The following CES5A variants were observed in gnomAD, a reference collection of about 807,000 sequenced individuals.
CES5A encodes the protein carboxylesterase 5A.
CES5A carries 67 observed loss-of-function variants against 62.9 expected under a neutral mutation model. The observed-to-expected ratio is 1.07, with a 90% CI of 0.88 to 1.31. CES5A has a LOEUF of 1.31. Ranked by LOEUF, CES5A falls within the 50% of genes most tolerant of loss-of-function variation. The pLI is 0.00. For synonymous variants in CES5A, 296 were observed against 280.8 expected, an observed-to-expected ratio of 1.05 and a Z score of -0.54; for missense variants, 748 against 708.5, an observed-to-expected ratio of 1.06 and a Z score of -0.63.
intron 1 of CES5A, among the ~76,000 whole-genome samples, chr16:55,901,914 C>T (rs770642052): frequency 8.5e-5 from 13 of 152,136 alleles, no homozygotes; most frequent in African/African-American, 2.7e-4. Flanking sequence ...TCTGTTAGCA[C>T]GTGGTTTAGC....
chr16:55,937,482 T>C (rs1280080831), intron 2 of CES5A, among the ~76,000 whole-genome samples: 9 of 152,086 alleles, frequency 5.9e-5, no homozygotes, highest in African/African-American at 1.7e-4. Flanking sequence ...GGCATGCTTC[T>C]GGTTGCGTTC....
intron 1 of CES5A, 48 bp from the exon 2 acceptor site, chr16:55,874,085 G>A (rs1448140756): frequency 2.0e-6 from 3 of 1,517,718 alleles, no homozygotes; most frequent in African/African-American, 1.4e-5. Context: ...GGACAGGCAG[G>A]GCAATGGCCC....
intron 1 of CES5A, among the ~76,000 whole-genome samples, chr16:55,888,586 G>A (rs746583869): frequency 3.5e-4 from 53 of 152,162 alleles, no homozygotes; most frequent in Non-Finnish European, 2.9e-4. Context: ...TCCTGGGATT[G>A]TCTGCTAAAT....
At chr16:55,898,169 T>C (rs1182391547) in intron 1 of CES5A, among the ~76,000 whole-genome samples, 1 of 152,156 alleles carries the variant, frequency 6.6e-6, no homozygotes, top group African/African-American at 2.4e-5. Flanking sequence ...GCACTAAGGA[T>C]TTGTGTGCTT....
At chr16:55,852,853 T>C (rs2033159355) in intron 10 of CES5A, 28 bp downstream of exon 10, 2 of 1,603,944 alleles carry the variant, frequency 1.2e-6, no homozygotes, top group African/African-American at 2.7e-5. Context: ...TGGGCTATGG[T>C]CCTGGAGCGG....
At chr16:55,896,344 G>A (rs1012377045) in intron 1 of CES5A, among the ~76,000 whole-genome samples, 9 of 152,132 alleles carry the variant, frequency 5.9e-5, no homozygotes, top group Admixed American at 4.6e-4. Context: ...GATTTGGGTA[G>A]GGACACAGCC....
chr16:55,862,880 A>G (rs1394194620), intron 6 of CES5A, among the ~76,000 whole-genome samples: 1 of 152,198 alleles, frequency 6.6e-6, no homozygotes, highest in Non-Finnish European at 1.5e-5. Context: ...TAATTAAGAC[A>G]AGAGACAGAT....
intron 1 of CES5A, among the ~76,000 whole-genome samples, chr16:55,955,438 T>C (rs1172349419): frequency 6.6e-6 from 1 of 152,224 alleles, no homozygotes; most frequent in Non-Finnish European, 1.5e-5. Flanking sequence ...TCACTCACAG[T>C]AATATTCTCT....
chr16:55,875,133 C>T lies in CES5A; in HGVS notation c.73+16G>A, dbSNP rs1482592649. 1.2e-6 allele frequency: 2 copies of T among 1,612,660 alleles called. No individual in the cohort carries two copies. ...CCCATCTTCTGAGAGCCCTCCTTTC[C>T]CATTGGATATCTCACCTTTGGTGGG... On this transcript the variant is annotated intron_variant, in intron 1 of 12. Transcript: ENST00000290567.
chr16:55,950,745 GA>G (rs1244825071), intron 1 of CES5A, among the ~76,000 whole-genome samples: 21 of 151,800 alleles, frequency 1.4e-4, no homozygotes, highest in African/African-American at 2.9e-4. Flanking sequence ...TCTTTAGATT[GA>G]AAAAAAAGAT....
chr16:55,942,777 G>A (rs1045912870), intron 2 of CES5A, among the ~76,000 whole-genome samples: 5 of 152,108 alleles, frequency 3.3e-5, no homozygotes, highest in Admixed American at 6.5e-5. Flanking sequence ...TAACTCAAAT[G>A]TTTTCCATAG....
intron 4 of CES5A, among the ~76,000 whole-genome samples, chr16:55,866,818 A>G (rs1244725069): frequency 6.6e-6 from 1 of 152,030 alleles, no homozygotes; most frequent in Non-Finnish European, 1.5e-5. Flanking sequence ...AGCCTGGGCA[A>G]TAGAGTGAGG....
chr16:55,859,656 C>T lies in CES5A; in HGVS notation c.947G>A (p.Gly316Asp), dbSNP rs1349998909. 1 of 1,611,814 alleles carries T rather than the reference C, an allele frequency of 6.2e-7. No homozygotes were observed. Among genetic ancestry groups the T allele is most frequent in the Admixed American group, 1.7e-5 (1 of 59,590 alleles). Residue 316 changes from glycine (G) to aspartate (D), a missense_variant, in exon 8 of 13, where the codon GGT becomes GAT. Gly to Asp is a moderately conservative substitution (Grantham distance 94). Coordinates refer to ENST00000290567, the MANE Select transcript of CES5A (RefSeq NM_001143685.2). ...KTKSFTRVVDGAFFPNEPLDL... is the reference protein window; with the variant it reads ...KTKSFTRVVDDAFFPNEPLDL... The stretch of plus-strand genomic sequence containing the variant: ...TAGAGGCTCATTAGGAAAGAAAGCA[C>T]CATCAACCACTCGAGTGAAAGACTT...
At chr16:55,948,164 G>A (rs2034517055) in intron 2 of CES5A, among the ~76,000 whole-genome samples, 1 of 152,156 alleles carries the variant, frequency 6.6e-6, no homozygotes, top group Non-Finnish European at 1.5e-5. Flanking sequence ...AGAGACACAA[G>A]CCACAATAGG....
chr16:55,889,283 A>C (rs548240339), intron 1 of CES5A, among the ~76,000 whole-genome samples: 1 of 152,210 alleles, frequency 6.6e-6, no homozygotes, highest in Non-Finnish European at 1.5e-5. Flanking sequence ...TTCAGTTCTG[A>C]CACTATCTAC....
chr16:55,907,309 G>T (rs2034048719), intron 1 of CES5A, among the ~76,000 whole-genome samples: 1 of 152,152 alleles, frequency 6.6e-6, no homozygotes, highest in African/African-American at 2.4e-5. Flanking sequence ...TTTGTCAGAA[G>T]GGACAAAGGA....
chr16:55,869,620 C>T lies in CES5A; in HGVS notation c.542G>A (p.Gly181Asp), dbSNP rs772022505. 3 of 1,613,820 alleles carry T rather than the reference C, an allele frequency of 1.9e-6. No individual in the cohort carries two copies. The highest frequency in any genetic ancestry group is 2.2e-5 in the East Asian group (1 of 44,862). The change falls in exon 4 of 13, where the codon GGT (glycine) becomes GAT (aspartate). Residue 181 changes from glycine to aspartate, a missense_variant. Coordinates refer to ENST00000290567, the MANE Select transcript of CES5A (RefSeq NM_001143685.2). ...ATTTGGAGAGACTCACGTGAAGAAA[C>T]CAAATATTCCTAGCCGGTACTGGAC... ...VVVQYRLGIF[G>D]FFTTWDQHAP...
intron 1 of CES5A, among the ~76,000 whole-genome samples, chr16:55,916,845 T>C (rs2034152679): frequency 6.6e-6 from 1 of 152,170 alleles, no homozygotes; most frequent in South Asian, 2.1e-4. Flanking sequence ...GGCCTTCTCT[T>C]CCACTCCAGC....
intron 1 of CES5A, among the ~76,000 whole-genome samples, chr16:55,883,011 T>C (rs959429721): frequency 1.3e-5 from 2 of 152,182 alleles, no homozygotes; most frequent in South Asian, 4.1e-4. Flanking sequence ...TAGATGCGAA[T>C]TGTTCTAGTT....
Sources: allele counts gnomAD v4.1 joint callset (sites outside exome capture counted in the v4.1 genomes callset), GRCh38; gene constraint gnomAD v4.1.1; transcripts MANE v1.5; gene names NCBI Gene and HGNC (gene_info 2026-07-23, HGNC 2026-07-21).